C1orf105: variants seen among roughly 807,000 people sequenced by gnomAD.
C1orf105 encodes the protein chromosome 1 open reading frame 105, also known as uncharacterized protein C1orf105.
A neutral mutation model predicts 20.8 loss-of-function variants in C1orf105; 17 were observed. The observed-to-expected ratio is 0.82, with a 90% CI of 0.56 to 1.23. The LOEUF is 1.23. C1orf105 is among the 50% of genes most tolerant of loss of function. The pLI is 0.00. For missense variants in C1orf105, 219 were observed against 213.5 expected (o/e 1.03, Z -0.16); for synonymous variants, 72 against 72.1 (o/e 1.00, Z 0.01).
At chr1:172,423,637 C>T (rs957827317) in intron 1 of C1orf105, among the ~76,000 whole-genome samples, 7 of 151,836 alleles carry the variant, frequency 4.6e-5, no homozygotes, top group Non-Finnish European at 1.0e-4. Flanking sequence ...GTGACCAATA[C>T]TGAAGAGACA....
intron 3 of C1orf105, among the ~76,000 whole-genome samples, chr1:172,450,072 G>C (rs1648443753): frequency 6.6e-6 from 1 of 152,208 alleles, no homozygotes; most frequent in Non-Finnish European, 1.5e-5. Flanking sequence ...GGTTTTTGTG[G>C]CTGCAATATT....
chr1:172,421,047 G>A (rs2071571986), intron 1 of C1orf105, 141 bp downstream of exon 1: 1 of 733,854 alleles, frequency 1.4e-6, no homozygotes, highest in African/African-American at 1.8e-5. Context: ...AGAAGGTAAG[G>A]AAATAACAGC....
intron 1 of C1orf105, among the ~76,000 whole-genome samples, chr1:172,428,016 C>A (rs375304236): frequency 2.6e-5 from 4 of 152,240 alleles, no homozygotes; most frequent in African/African-American, 9.6e-5. Flanking sequence ...AACTCCTAAT[C>A]TTCCTCCCCA....
At chr1:172,432,496 A>G (rs1573835526) in intron 1 of C1orf105, among the ~76,000 whole-genome samples, 1 of 152,224 alleles carries the variant, frequency 6.6e-6, no homozygotes, top group East Asian at 1.9e-4. Flanking sequence ...ACCTCCAGCA[A>G]ACTCCAACAG....
At chr1:172,430,442 CT>C in intron 1 of C1orf105, 7 of 598,736 alleles carry the variant, frequency 1.2e-5, no homozygotes, top group South Asian at 2.0e-5. Flanking sequence ...TTTCTTAAAC[CT>C]TTTTTTATTT....
chr1:172,436,339 C>T (rs1204108635), intron 1 of C1orf105, among the ~76,000 whole-genome samples: 1 of 152,176 alleles, frequency 6.6e-6, no homozygotes, highest in East Asian at 1.9e-4. Context: ...TGACTTCAAA[C>T]TATACTACAA....
intron 6 of C1orf105, 22 bp downstream of exon 6, chr1:172,465,385 T>G (rs774303652): frequency 6.4e-7 from 1 of 1,551,904 alleles, no homozygotes; most frequent in Admixed American, 1.7e-5. Flanking sequence ...TTTAGAGTAC[T>G]TATAGTGTGA....
At chr1:172,422,351 C>G (rs765979099) in intron 1 of C1orf105, among the ~76,000 whole-genome samples, 1 of 152,174 alleles carries the variant, frequency 6.6e-6, no homozygotes, top group Non-Finnish European at 1.5e-5. Context: ...CAGGCCCTAG[C>G]TCTTGGATGA....
At position 172,462,865 on chromosome 1, in the gene C1orf105, C is replaced by T. The variant is rs187364014; in HGVS notation, c.341+620C>T. On this transcript the variant is annotated intron_variant, in intron 5 of 6. Coordinates refer to ENST00000367727, the MANE Select transcript of C1orf105 (RefSeq NM_139240.4). ...TTGGCTCACTGCAACCTCCACCTCC[C>T]AGGTTCAAGCAATTCTCTTGCCTCA... Among the ~76,000 whole-genome samples, 1,143 of 152,226 alleles carry T rather than the reference C, an allele frequency of 7.5e-3. 11 individuals carry two copies. The highest frequency in any genetic ancestry group is 0.014 in the Middle Eastern group (4 of 294).
At chr1:172,462,931 C>A (rs899568962) in intron 5 of C1orf105, among the ~76,000 whole-genome samples, 1 of 77,416 alleles carries the variant, frequency 1.3e-5, no homozygotes, top group African/African-American at 4.3e-5. Flanking sequence ...CACCACCATG[C>A]CTGGCTAATT....
intron 1 of C1orf105, among the ~76,000 whole-genome samples, chr1:172,427,742 GTGGTTTTGC>G (rs1484468908): frequency 3.3e-5 from 5 of 152,182 alleles, no homozygotes; most frequent in African/African-American, 1.2e-4. Flanking sequence ...CCTTGCCTCA[GTGGTTTTGC>G]TGTCCAAATC....
rs1183663870 is a variant in C1orf105 at position 172,448,426 on chromosome 1, G to A, written c.108-15G>A. Reference sequence around the variant, plus strand: ...GGGACTGCGGTTCTAACGTTCTCTTGTTTTAATTACTTAGATATCCTCATA... The same window carrying A: ...GGGACTGCGGTTCTAACGTTCTCTTATTTTAATTACTTAGATATCCTCATA... On this transcript the variant is annotated splice_polypyrimidine_tract_variant and intron_variant, in intron 2 of 6. Transcript: ENST00000367727. 1.3e-6 allele frequency: 2 copies of A among 1,567,270 alleles called. No homozygotes were observed. Among genetic ancestry groups the A allele is most frequent in the Non-Finnish European group, 1.8e-6 (2 of 1,140,316 alleles).
chr1:172,451,273 A>G (rs1468940431), intron 3 of C1orf105, among the ~76,000 whole-genome samples: 1 of 152,102 alleles, frequency 6.6e-6, no homozygotes, highest in Non-Finnish European at 1.5e-5. Context: ...CTCTCTCTCT[A>G]CTCACTTTGA....
At position 172,452,903 on chromosome 1, in the gene C1orf105, C is replaced by G. The variant is rs560319488; in HGVS notation, c.199-3512C>G. The G allele has an allele frequency of 4.6e-5, 69 of 1,491,050 alleles. No homozygotes were observed. The African/African-American group carries it at 9.3e-4, about 20-fold the overall frequency. The allele number at this position is 1,491,050 out of a possible 1,614,324, so 92.4% of individuals were successfully genotyped here. ...TTGTACTGTGAATGTGGACAATTCC[C>G]TCTCCATTCCTGTTATTGCTGCTGA... On this transcript the variant is annotated intron_variant, in intron 3 of 6. Coordinates refer to ENST00000367727, the MANE Select transcript of C1orf105 (RefSeq NM_139240.4).
At chr1:172,452,017 C>A (rs1004844135) in intron 3 of C1orf105, among the ~76,000 whole-genome samples, 1 of 151,612 alleles carries the variant, frequency 6.6e-6, no homozygotes, top group Non-Finnish European at 1.5e-5. Context: ...GGATTACAGG[C>A]GCATGCCACC....
At chr1:172,421,731 A>G (rs1367960565) in intron 1 of C1orf105, among the ~76,000 whole-genome samples, 1 of 152,168 alleles carries the variant, frequency 6.6e-6, no homozygotes, top group Non-Finnish European at 1.5e-5. Flanking sequence ...TTAACTTCGT[A>G]TTGTTGAAAG....
intron 4 of C1orf105, 76 bp from the exon 5 acceptor site, chr1:172,462,102 C>A: frequency 9.1e-7 from 1 of 1,093,480 alleles, no homozygotes; most frequent in Non-Finnish European, 1.4e-6. Flanking sequence ...AACACAAATT[C>A]ACTAAAGTGG....
chr1:172,461,576 T>A (rs1170577955), intron 4 of C1orf105, among the ~76,000 whole-genome samples: 4 of 152,224 alleles, frequency 2.6e-5, no homozygotes, highest in Non-Finnish European at 5.9e-5. Context: ...GAAAATACTG[T>A]AACTGTACAT....
intron 2 of C1orf105, among the ~76,000 whole-genome samples, chr1:172,445,460 A>C (rs1188135627): frequency 6.6e-6 from 1 of 151,990 alleles, no homozygotes; most frequent in Non-Finnish European, 1.5e-5. Flanking sequence ...TTCTCACCCC[A>C]CATTTTCTCC....
Sources: gnomAD v4.1 joint callset for allele counts (sites outside exome capture counted in the v4.1 genomes callset) on GRCh38, gnomAD v4.1.1 for gene constraint, MANE v1.5 for transcripts, NCBI Gene and HGNC (gene_info 2026-07-23, HGNC 2026-07-21) for gene names.